The following MICU3 variants were observed in gnomAD, a reference collection of about 807,000 sequenced individuals.
MICU3 encodes the protein calcium uptake protein 3, mitochondrial.
A neutral mutation model predicts 66.5 loss-of-function variants in MICU3; 62 were observed. The ratio of observed to expected loss-of-function variants is 0.93; its 90% confidence interval spans 0.76 to 1.15. MICU3 has a LOEUF of 1.15. Ranked by LOEUF, MICU3 falls within the 50% of genes most tolerant of loss-of-function variation. The pLI is 0.00. For missense variants in MICU3, 779 were observed against 664.4 expected (o/e 1.17, Z -1.90); for synonymous variants, 308 against 240.7 (o/e 1.28, Z -2.59).
intron 1 of MICU3, among the ~76,000 whole-genome samples, chr8:17,037,478 G>A (rs1365219481): frequency 2.0e-5 from 3 of 152,232 alleles, no homozygotes; most frequent in Non-Finnish European, 4.4e-5. Context: ...TTCAGAAGGT[G>A]CAAGCCCTAA....
intron 1 of MICU3, among the ~76,000 whole-genome samples, chr8:17,062,675 G>T (rs1298645442): frequency 6.6e-6 from 1 of 152,008 alleles, no homozygotes; most frequent in Non-Finnish European, 1.5e-5. Flanking sequence ...AGTATAATTT[G>T]TGTGTTACTG....
chr8:17,103,825 C>T (rs1247343363), intron 9 of MICU3, among the ~76,000 whole-genome samples: 2 of 151,810 alleles, frequency 1.3e-5, no homozygotes, highest in African/African-American at 2.4e-5. Context: ...TTTTCAAGGT[C>T]ATATTATTAC....
the MICU3 span, among the ~76,000 whole-genome samples, chr8:17,127,844 T>G: frequency 1.3e-5 from 2 of 151,438 alleles, no homozygotes; most frequent in Non-Finnish European, 2.9e-5. Context: ...TCTAGTGTCC[T>G]GTGATTTCTT....
At chr8:17,096,130 A>C (rs1403394973) in intron 8 of MICU3, among the ~76,000 whole-genome samples, 1 of 151,914 alleles carries the variant, frequency 6.6e-6, no homozygotes, top group Non-Finnish European at 1.5e-5. Flanking sequence ...TAACCGAGAA[A>C]ACTTCAGGAA....
At chr8:17,049,894 G>GT (rs1411778160) in intron 1 of MICU3, among the ~76,000 whole-genome samples, 1 of 151,784 alleles carries the variant, frequency 6.6e-6, no homozygotes, top group Non-Finnish European at 1.5e-5. Flanking sequence ...ATGAACTTTT[G>GT]TTTTTTTACT....
chr8:17,118,435 G>T (rs1340449606), intron 13 of MICU3, among the ~76,000 whole-genome samples: 1 of 152,004 alleles, frequency 6.6e-6, no homozygotes, highest in Non-Finnish European at 1.5e-5. Flanking sequence ...CTTTTTAAAA[G>T]CATTTTTGAA....
intron 2 of MICU3, among the ~76,000 whole-genome samples, 178 bp from the exon 3 acceptor site, chr8:17,069,510 G>A (rs17686780): frequency 0.15 from 22,580 of 151,816 alleles, 2,240 homozygotes; most frequent in East Asian, 0.38. Flanking sequence ...TATATATGAA[G>A]CAAATAGATA....
chr8:17,124,278 G>C (rs1803346634), downstream of MICU3, among the ~76,000 whole-genome samples: 1 of 151,870 alleles, frequency 6.6e-6, no homozygotes, highest in South Asian at 2.1e-4. Context: ...TCTTTCCCTA[G>C]AGTTGTTAAT....
chr8:17,072,905 G>T (rs2150684268), intron 3 of MICU3, among the ~76,000 whole-genome samples: 1 of 152,008 alleles, frequency 6.6e-6, no homozygotes, highest in South Asian at 2.1e-4. Flanking sequence ...AATTTTTTTT[G>T]AGATAGAGTC....
chr8:17,044,057 G>C (rs904780187), intron 1 of MICU3, among the ~76,000 whole-genome samples: 1 of 152,102 alleles, frequency 6.6e-6, no homozygotes, highest in African/African-American at 2.4e-5. Context: ...CATACTTAAG[G>C]TTCTTGCCTT....
intron 3 of MICU3, among the ~76,000 whole-genome samples, chr8:17,073,310 A>T (rs1215197333): frequency 6.6e-6 from 1 of 152,066 alleles, no homozygotes; most frequent in African/African-American, 2.4e-5. Context: ...TTACTGCCTG[A>T]GCTCTGCCTC....
chr8:17,033,279 T>C (rs1174603049), intron 1 of MICU3, among the ~76,000 whole-genome samples: 4 of 152,194 alleles, frequency 2.6e-5, no homozygotes, highest in Non-Finnish European at 4.4e-5. Flanking sequence ...GGAAAAGTTT[T>C]TGAAGGAAAT....
At chr8:17,102,286 A>C (rs1438320368) in intron 9 of MICU3, among the ~76,000 whole-genome samples, 1 of 151,698 alleles carries the variant, frequency 6.6e-6, no homozygotes. Context: ...ATTTCCTCCT[A>C]CTACTAATTT....
intron 1 of MICU3, among the ~76,000 whole-genome samples, chr8:17,059,401 G>A (rs1313846935): frequency 6.6e-6 from 1 of 152,170 alleles, no homozygotes; most frequent in Non-Finnish European, 1.5e-5. Context: ...AGCAGCCATT[G>A]CTTTTATTGG....
chr8:17,099,384 A>C (rs1485035311), intron 9 of MICU3, among the ~76,000 whole-genome samples: 1 of 151,776 alleles, frequency 6.6e-6, no homozygotes, highest in Admixed American at 6.6e-5. Context: ...TAACTTTTAG[A>C]AGTTACACCT....
intron 1 of MICU3, among the ~76,000 whole-genome samples, chr8:17,041,971 T>TA (rs1814200179): frequency 6.6e-6 from 1 of 152,208 alleles, no homozygotes; most frequent in South Asian, 2.1e-4. Flanking sequence ...CTAGCCACTG[T>TA]AAAAAACTAG....
the MICU3 span, chr8:17,131,234 A>G: frequency 6.6e-6 from 1 of 152,248 alleles, no homozygotes; most frequent in Non-Finnish European, 1.5e-5. Flanking sequence ...TATGGCTAAG[A>G]CTGAGATAGA....
intron 1 of MICU3, among the ~76,000 whole-genome samples, chr8:17,051,410 A>T (rs1318269224): frequency 6.6e-6 from 1 of 152,192 alleles, no homozygotes; most frequent in Admixed American, 6.5e-5. Context: ...CATGGAATTT[A>T]TATTGTGGAA....
At chr8:17,039,372 C>T (rs889753262) in intron 1 of MICU3, among the ~76,000 whole-genome samples, 5 of 152,154 alleles carry the variant, frequency 3.3e-5, no homozygotes, top group Non-Finnish European at 5.9e-5. Context: ...AGGGAAGTTA[C>T]ATAGACATGA....
Sources: gnomAD v4.1 joint callset for allele counts (sites outside exome capture counted in the v4.1 genomes callset) on GRCh38, gnomAD v4.1.1 for gene constraint, MANE v1.5 for transcripts, NCBI Gene and HGNC (gene_info 2026-07-23, HGNC 2026-07-21) for gene names.